Variants in ITGB7 observed in about 807,000 individuals in gnomAD.
ITGB7 encodes integrin subunit beta 7, also known as integrin beta-7.
A neutral mutation model predicts 83.4 loss-of-function variants in ITGB7; 55 were observed. That is an observed-to-expected ratio of 0.66 (90% CI 0.53 to 0.83). The LOEUF is 0.83. Among genes scored for constraint, ITGB7 ranks in the 40% least tolerant of loss-of-function variants. ITGB7 has a pLI of 0.00. For synonymous variants in ITGB7, 454 were observed against 423.6 expected (o/e 1.07, Z -0.88); for missense variants, 921 against 1,046.7 (o/e 0.88, Z 1.66).
chr12:53,193,543 G>T, intron 11 of ITGB7, 165 bp downstream of exon 11: 1 of 751,990 alleles, frequency 1.3e-6, no homozygotes, highest in Non-Finnish European at 2.1e-6. Flanking sequence ...CCCAGTCAGG[G>T]GGAGGGCCTG....
At chr12:53,192,221 A>T in intron 14 of ITGB7, 109 bp downstream of exon 14, 1 of 1,298,378 alleles carries the variant, frequency 7.7e-7, no homozygotes, top group East Asian at 2.4e-5. Context: ...CTGGATTCAC[A>T]GTTCTGCTTC....
Position 53,193,785 on chromosome 12 carries a change from G to A in ITGB7, c.1425C>T (p.Asp475=), listed in dbSNP as rs1162655132. 6.2e-7 allele frequency: 1 copy of A among 1,614,106 alleles called. No individual in the cohort carries two copies. The highest frequency in any genetic ancestry group is 1.1e-5 in the South Asian group (1 of 91,082). Residue 475 remains aspartate (D), a synonymous_variant, in exon 11 of 16, where the codon GAC becomes GAT. Coordinates refer to ENST00000267082, the MANE Select transcript of ITGB7 (RefSeq NM_000889.3). ...GGGGCTGGGTGTCACTGCAATTACA[G>A]TCACACAGCGTGTGCAACTCCACAA... ...ELIVELHTLC[D]CNCSDTQPQA...
intron 1 of ITGB7, chr12:53,206,631 C>G (rs369100249): frequency 1.3e-5 from 2 of 152,452 alleles, no homozygotes; most frequent in East Asian, 1.9e-4. Context: ...TGTGACCCCC[C>G]TCAGCAGCTG....
At chr12:53,206,327 T>A (rs1428179905) in intron 1 of ITGB7, among the ~76,000 whole-genome samples, 1 of 152,116 alleles carries the variant, frequency 6.6e-6, no homozygotes, top group Non-Finnish European at 1.5e-5. Context: ...TACTACTCCA[T>A]CCCACTCTTT....
chr12:53,197,294 G>T (rs1942196833), intron 5 of ITGB7, 199 bp downstream of exon 5: 1 of 663,186 alleles, frequency 1.5e-6, no homozygotes, highest in Non-Finnish European at 2.7e-6. Flanking sequence ...AAAACGGATA[G>T]TCTCTTGAGT....
At position 53,193,177 on chromosome 12, in the gene ITGB7, A is replaced by G. The variant is rs776162484; in HGVS notation, c.1689T>C (p.Asp563=). The change falls in exon 12 of 16, where the codon GAT becomes GAC. Residue 563 remains aspartate, a synonymous_variant. Coordinates refer to ENST00000267082, the MANE Select transcript of ITGB7 (RefSeq NM_000889.3). ...QSSGHLCECD[D]ASCERHEGIL... is the part of the protein sequence containing the mutation. ...TGCCCTCATGTCGCTCACAGCTGGCATCGTCACACTCGCACAGATGCCCAG... is the reference window on the plus strand; with the variant it reads ...TGCCCTCATGTCGCTCACAGCTGGCGTCGTCACACTCGCACAGATGCCCAG... 1.4e-5 allele frequency: 23 copies of G among 1,613,596 alleles called. No homozygotes were observed. The highest frequency in any genetic ancestry group is 1.9e-5 in the Non-Finnish European group (23 of 1,179,714).
intron 14 of ITGB7, 70 bp from the exon 15 acceptor site, chr12:53,192,089 G>T: frequency 6.5e-7 from 1 of 1,536,980 alleles, no homozygotes. Context: ...TGCTCACAGT[G>T]TGTCCAGCCT....
chr12:53,195,539 G>C, intron 8 of ITGB7, 76 bp from the exon 9 acceptor site: 1 of 1,508,680 alleles, frequency 6.6e-7, no homozygotes, highest in Admixed American at 1.7e-5. Flanking sequence ...TGGAAGGAGG[G>C]CATATGGGGG....
chr12:53,192,491 TTGG>T lies in ITGB7; in HGVS notation c.1991_1993del (p.Thr664del), dbSNP rs780785793. 1.2e-6 allele frequency: 2 copies of T among 1,614,126 alleles called. No individual in the cohort carries two copies. The highest frequency in any genetic ancestry group is 1.1e-5 in the South Asian group (1 of 91,076). ...GGTATGGGCACAAGCTGTACTGCAG[TTGG>T]TGGCCAGTGGGCCAGTCCTGAAGGC... On this transcript the variant is annotated inframe_deletion, in exon 14 of 16. Coordinates refer to ENST00000267082, the MANE Select transcript of ITGB7 (RefSeq NM_000889.3).
Position 53,197,544 on chromosome 12 carries a change from C to T in ITGB7, c.523G>A (p.Gly175Arg), listed in dbSNP as rs755903495. The change falls in exon 5 of 16, where the codon GGG (glycine) becomes AGG (arginine). Residue 175 changes from glycine to arginine, a missense_variant. Coordinates refer to ENST00000267082, the MANE Select transcript of ITGB7 (RefSeq NM_000889.3). ...KDDLERVRQL[G>R]HALLVRLQEV... ...TGCAGCCGGACCAGCAGAGCGTGCCCGAGCTGGCGCACGCGTTCCAGGTCG... is the reference window on the plus strand; with the variant it reads ...TGCAGCCGGACCAGCAGAGCGTGCCTGAGCTGGCGCACGCGTTCCAGGTCG... 6.2e-7 allele frequency: 1 copy of T among 1,614,184 alleles called. No individual in the cohort carries two copies. Among genetic ancestry groups the T allele is most frequent in the Admixed American group, 1.7e-5 (1 of 60,026 alleles).
chr12:53,202,796 A>C (rs551609507), intron 1 of ITGB7, among the ~76,000 whole-genome samples: 23 of 152,230 alleles, frequency 1.5e-4, no homozygotes, highest in African/African-American at 5.1e-4. Context: ...CCCCGTCTCT[A>C]CTAAAAATAC....
chr12:53,195,719 G>A lies in ITGB7; in HGVS notation c.978C>T (p.Asp326=), dbSNP rs1416785952. The A allele has an allele frequency of 5.0e-6, 8 of 1,612,628 alleles. No homozygotes were observed. Among genetic ancestry groups the A allele is most frequent in the Admixed American group, 3.3e-5 (2 of 60,000 alleles). ...NGLYSRSTEF[D]YPSVGQVAQA... ...GGGCTACCTGACCCACAGAAGGGTA[G>A]TCCTGGGACAGGGAGCAGGGACAAG... is the stretch of plus-strand genomic sequence containing the variant. The change falls in exon 8 of 16, where the codon GAC becomes GAT. Residue 326 remains aspartate (D), a splice_region_variant and synonymous_variant. Coordinates refer to ENST00000267082, the MANE Select transcript of ITGB7 (RefSeq NM_000889.3).
chr12:53,195,300 A>G (rs1942118764), intron 9 of ITGB7, 74 bp downstream of exon 9: 1 of 1,053,248 alleles, frequency 9.5e-7, no homozygotes, highest in South Asian at 1.3e-5. Context: ...TAGTTCTGCC[A>G]CCCCACCCAA....
chr12:53,192,620 T>C (rs554556109), intron 13 of ITGB7, 71 bp downstream of exon 13: 1 of 1,595,850 alleles, frequency 6.3e-7, no homozygotes, highest in African/African-American at 1.3e-5. Flanking sequence ...GGACGGAGAG[T>C]AGGCAGATGG....
intron 5 of ITGB7, chr12:53,197,036 G>A: frequency 1.7e-6 from 1 of 595,600 alleles, no homozygotes. Context: ...CAACTTCCTG[G>A]GCAAATGGGA....
chr12:53,197,863 T>A lies in ITGB7; in HGVS notation c.290A>T (p.Glu97Val), dbSNP rs7972747. ...LARGCPLEEL[E>V]EPRGQQEVLQ... Reference sequence around the variant, plus strand: ...CACCTCCTGCTGGCCGCGGGGCTCCTCCAGCTCCTCCAGCGGGCAGCCTCG... The same window carrying A: ...CACCTCCTGCTGGCCGCGGGGCTCCACCAGCTCCTCCAGCGGGCAGCCTCG... The change falls in exon 4 of 16, where the codon GAG becomes GTG. Residue 97 changes from glutamate to valine, a missense_variant. Coordinates refer to ENST00000267082, the MANE Select transcript of ITGB7 (RefSeq NM_000889.3). 30,916 of 1,533,344 alleles carry A rather than the reference T, an allele frequency of 0.02. 405 individuals carry two copies. Among genetic ancestry groups the A allele is most frequent in the Non-Finnish European group, 0.022 (25,581 of 1,146,342 alleles). The allele number at this position is 1,533,344 out of a possible 1,614,324, so 95.0% of individuals were successfully genotyped here. A position where few individuals can be genotyped will look rare whatever the true frequency, so the allele number is the denominator to read the frequency against.
intron 1 of ITGB7, among the ~76,000 whole-genome samples, chr12:53,201,812 G>C (rs1565708647): frequency 6.6e-6 from 1 of 152,118 alleles, no homozygotes; most frequent in Non-Finnish European, 1.5e-5. Context: ...CTGGTGAGAA[G>C]ACAGCTTGAA....
intron 1 of ITGB7, among the ~76,000 whole-genome samples, chr12:53,205,833 T>A (rs1374153938): frequency 6.6e-6 from 1 of 152,126 alleles, no homozygotes; most frequent in African/African-American, 2.4e-5. Context: ...AATGTCCTGG[T>A]CCTGCTCCCC....
intron 6 of ITGB7, 86 bp downstream of exon 6, chr12:53,196,493 C>T (rs1942164594): frequency 6.6e-7 from 1 of 1,503,766 alleles, no homozygotes; most frequent in African/African-American, 1.4e-5. Flanking sequence ...AATGGCACCC[C>T]CTAGAACTGT....
Sources: allele counts gnomAD v4.1 joint callset (sites outside exome capture counted in the v4.1 genomes callset), GRCh38; gene constraint gnomAD v4.1.1; transcripts MANE v1.5; gene names NCBI Gene and HGNC (gene_info 2026-07-23, HGNC 2026-07-21).